Variants in RABGAP1L observed in about 807,000 individuals in gnomAD.
RABGAP1L encodes rab GTPase-activating protein 1-like.
A neutral mutation model predicts 137.7 loss-of-function variants in RABGAP1L; 63 were observed. The observed-to-expected ratio is 0.46, with a 90% confidence interval of 0.37 to 0.56. The LOEUF (loss-of-function observed/expected upper bound fraction) is 0.56. RABGAP1L is among the 20% of genes least tolerant of loss of function. The pLI is 0.00. For missense variants in RABGAP1L, 1,095 were observed against 1,244.0 expected (o/e 0.88, Z 1.80); for synonymous variants, 431 against 433.7 (o/e 0.99, Z 0.08).
intron 1 of RABGAP1L, among the ~76,000 whole-genome samples, chr1:174,179,004 A>AAAAAC (rs558384446): frequency 4.6e-5 from 7 of 152,342 alleles, no homozygotes; most frequent in African/African-American, 4.8e-5. Context: ...TAAAACAAAC[A>AAAAAC]AAAACAAAAC....
rs1303276048 is a variant in RABGAP1L, at chr1:174,702,194, C to A, written c.2107C>A (p.Leu703Ile). 6.2e-7 allele frequency: 1 copy of A among 1,612,558 alleles called. No individual in the cohort carries two copies. Among genetic ancestry groups the A allele is most frequent in the Non-Finnish European group, 8.5e-7 (1 of 1,179,150 alleles). Residue 703 changes from leucine to isoleucine, a missense_variant, in exon 17 of 26, where the codon CTT (leucine) becomes ATT (isoleucine). Physicochemically the swap from Leu to Ile is conservative, Grantham distance 5 (BLOSUM62 2). This residue lies in a region of RABGAP1L where 312 missense variants were observed against 435.6 expected (regional missense o/e 0.72). Coordinates refer to ENST00000681986, the MANE Select transcript of RABGAP1L (RefSeq NM_001366446.1). ...HMYASQWFLT[L>I]FTAKFPLCMV... is the part of the protein sequence containing the mutation. Reference sequence around the variant, plus strand: ...GTATGCATCCCAGTGGTTTCTCACTCTTTTTACTGCCAAGTTCCCACTCTG... The same window carrying A: ...GTATGCATCCCAGTGGTTTCTCACTATTTTTACTGCCAAGTTCCCACTCTG...
At chr1:174,771,079 A>G (rs1049173945) in intron 18 of RABGAP1L, among the ~76,000 whole-genome samples, 3 of 152,196 alleles carry the variant, frequency 2.0e-5, no homozygotes, top group African/African-American at 4.8e-5. Flanking sequence ...AGAATAGGAC[A>G]TGAGGGTGAG....
At chr1:174,467,862 G>A (rs927048227) in intron 13 of RABGAP1L, among the ~76,000 whole-genome samples, 1 of 152,070 alleles carries the variant, frequency 6.6e-6, no homozygotes, top group African/African-American at 2.4e-5. Context: ...ATAAAGAGAA[G>A]CTAATAAAGG....
At chr1:174,634,209 A>C (rs1369715489) in intron 13 of RABGAP1L, among the ~76,000 whole-genome samples, 81 of 141,264 alleles carry the variant, frequency 5.7e-4, no homozygotes, top group Non-Finnish European at 1.1e-3. Flanking sequence ...ACAACCCATC[A>C]AAAAGTGGGC....
chr1:174,649,721 T>G (rs1042647540), intron 14 of RABGAP1L, among the ~76,000 whole-genome samples: 15 of 152,142 alleles, frequency 9.9e-5, no homozygotes, highest in African/African-American at 3.6e-4. Context: ...CTTATTAGCT[T>G]AATGAGATTT....
intron 20 of RABGAP1L, among the ~76,000 whole-genome samples, chr1:174,963,880 C>T (rs1487409020): frequency 6.6e-6 from 1 of 152,070 alleles, no homozygotes. Context: ...GACCCCTGTG[C>T]AAGAGTATAA....
At chr1:174,331,585 T>C (rs1681037563) in intron 11 of RABGAP1L, among the ~76,000 whole-genome samples, 1 of 152,204 alleles carries the variant, frequency 6.6e-6, no homozygotes, top group Non-Finnish European at 1.5e-5. Context: ...TAATGAGGTA[T>C]TGCCTTACTG....
intron 3 of RABGAP1L, among the ~76,000 whole-genome samples, chr1:174,224,350 C>A (rs1669999966): frequency 6.6e-6 from 1 of 152,044 alleles, no homozygotes; most frequent in South Asian, 2.1e-4. Context: ...TGGTTCATGC[C>A]TGTAATCCCA....
chr1:174,840,539 C>T (rs929585209), intron 19 of RABGAP1L, among the ~76,000 whole-genome samples: 1 of 150,310 alleles, frequency 6.7e-6, no homozygotes, highest in Admixed American at 6.7e-5. Context: ...GTGCTGGGCA[C>T]GGTGACTCAC....
chr1:174,550,895 TACACAC>T (rs1395408033), intron 13 of RABGAP1L, among the ~76,000 whole-genome samples: 27 of 50,950 alleles, frequency 5.3e-4, no homozygotes, highest in African/African-American at 2.5e-3. Context: ...TATATATATA[TACACAC>T]ACACATATAC....
intron 13 of RABGAP1L, among the ~76,000 whole-genome samples, chr1:174,454,313 C>G (rs1312952205): frequency 6.6e-6 from 1 of 151,960 alleles, no homozygotes; most frequent in Non-Finnish European, 1.5e-5. Context: ...TAACATTTCA[C>G]AAAACAGCTT....
At chr1:174,839,422 A>G (rs1337383113) in intron 19 of RABGAP1L, among the ~76,000 whole-genome samples, 3 of 152,192 alleles carry the variant, frequency 2.0e-5, no homozygotes, top group Admixed American at 6.5e-5. Context: ...CAGCTGTTCT[A>G]TGAGTTCAGT....
intron 13 of RABGAP1L, among the ~76,000 whole-genome samples, chr1:174,622,252 G>A (rs1293977061): frequency 6.6e-6 from 1 of 152,160 alleles, no homozygotes; most frequent in Non-Finnish European, 1.5e-5. Context: ...TTACAGTGTT[G>A]GTGGGACTGT....
chr1:174,350,556 C>T (rs1344402093), intron 11 of RABGAP1L, among the ~76,000 whole-genome samples: 2 of 131,078 alleles, frequency 1.5e-5, no homozygotes, highest in African/African-American at 3.0e-5. Flanking sequence ...AGGCGCTCCT[C>T]ACTTCCTAGA....
chr1:174,685,857 G>A (rs902973732), intron 15 of RABGAP1L, among the ~76,000 whole-genome samples: 16 of 152,176 alleles, frequency 1.1e-4, no homozygotes, highest in Admixed American at 2.6e-4. Context: ...CGCTGTGCCC[G>A]TCTGATGATA....
At chr1:174,247,720 T>C (rs1354302315) in intron 5 of RABGAP1L, among the ~76,000 whole-genome samples, 1 of 152,172 alleles carries the variant, frequency 6.6e-6, no homozygotes, top group Non-Finnish European at 1.5e-5. Context: ...GCCAGCTTTT[T>C]CCACCTGCTA....
At position 174,613,781 on chromosome 1, in the gene RABGAP1L, C is replaced by T. The variant is rs984729945; in HGVS notation, c.1711-23594C>T. On this transcript the variant is annotated intron_variant, in intron 13 of 25. Coordinates refer to ENST00000681986, the MANE Select transcript of RABGAP1L (RefSeq NM_001366446.1). Reference sequence around the variant, plus strand: ...ATATATTTAGGATAGTTAGCTCTTCCTGTTGAATTGATCCCTTTACCATTA... The same window carrying T: ...ATATATTTAGGATAGTTAGCTCTTCTTGTTGAATTGATCCCTTTACCATTA... Among the ~76,000 whole-genome samples the T allele has an allele frequency of 8.6e-4, 131 of 151,508 alleles. 2 individuals are homozygous for T. The East Asian group carries it at 0.022, about 25-fold the overall frequency.
At chr1:174,372,059 C>A (rs962805532) in intron 12 of RABGAP1L, among the ~76,000 whole-genome samples, 7 of 152,120 alleles carry the variant, frequency 4.6e-5, no homozygotes, top group African/African-American at 1.4e-4. Flanking sequence ...TGGCCAGCTG[C>A]TTCTCCTTTT....
At position 174,637,423 on chromosome 1, in the gene RABGAP1L, C is replaced by T. The variant is rs1674148528; in HGVS notation, c.1759C>T (p.Pro587Ser). 6.2e-7 allele frequency: 1 copy of T among 1,613,374 alleles called. No individual in the cohort carries two copies. Among genetic ancestry groups the T allele is most frequent in the Non-Finnish European group, 8.5e-7 (1 of 1,179,416 alleles). Residue 587 changes from proline (P) to serine (S), a missense_variant, in exon 14 of 26, where the codon CCC (proline) becomes TCC (serine). Coordinates refer to ENST00000681986, the MANE Select transcript of RABGAP1L (RefSeq NM_001366446.1). Reference sequence around the variant, plus strand: ...TACTCGAGATATTCATCGTACATTTCCCGCACATGATTACTTTAAAGATAC... The same window carrying T: ...TACTCGAGATATTCATCGTACATTTTCCGCACATGATTACTTTAAAGATAC... ...VITRDIHRTFPAHDYFKDTGG... is the reference protein window; with the variant it reads ...VITRDIHRTFSAHDYFKDTGG...
Sources: gnomAD v4.1 joint callset for allele counts (sites outside exome capture counted in the v4.1 genomes callset) on GRCh38, gnomAD v4.1.1 for gene constraint, gnomAD v4.1.1 regional missense constraint, MANE v1.5 for transcripts, NCBI Gene and HGNC (gene_info 2026-07-23, HGNC 2026-07-21) for gene names.